ALCAM: variants seen among roughly 807,000 people sequenced by gnomAD.
ALCAM encodes the protein CD166 antigen.
ALCAM carries 30 observed loss-of-function variants against 70.9 expected under a neutral mutation model. That is an observed-to-expected ratio of 0.42 (90% confidence interval 0.32 to 0.57). ALCAM has a LOEUF of 0.57. Among genes scored for constraint, ALCAM ranks in the 20% least tolerant of loss-of-function variants. The probability of loss-of-function intolerance (pLI) is 0.11; values close to 1 mark genes in which losing one functional copy is unlikely to be tolerated. For synonymous variants in ALCAM, 249 were observed against 242.5 expected, an observed-to-expected ratio of 1.03 and a Z score of -0.25; for missense variants, 591 against 695.1, an observed-to-expected ratio of 0.85 and a Z score of 1.68.
chr3:105,440,136 T>C (rs1937139687), intron 1 of ALCAM, among the ~76,000 whole-genome samples: 1 of 152,154 alleles, frequency 6.6e-6, no homozygotes, highest in Non-Finnish European at 1.5e-5. Context: ...CTAAAGCTTT[T>C]GAGGGGACCA....
intron 12 of ALCAM, among the ~76,000 whole-genome samples, chr3:105,550,540 C>A (rs549927668): frequency 6.6e-6 from 1 of 151,448 alleles, no homozygotes; most frequent in Non-Finnish European, 1.5e-5. Context: ...AAATAAGTTT[C>A]TCTTATTTAA....
chr3:105,446,771 C>T (rs1050266226), intron 1 of ALCAM, among the ~76,000 whole-genome samples: 1 of 152,080 alleles, frequency 6.6e-6, no homozygotes, highest in Non-Finnish European at 1.5e-5. Context: ...CAAAGGCCTT[C>T]CTTATTATCT....
chr3:105,557,582 A>G (rs755104707), intron 14 of ALCAM, among the ~76,000 whole-genome samples: 64 of 152,194 alleles, frequency 4.2e-4, no homozygotes, highest in Non-Finnish European at 7.8e-4. Flanking sequence ...CTAAGGAACA[A>G]AAAAGTCCCA....
At chr3:105,558,005 G>C (rs1414901169) in intron 14 of ALCAM, among the ~76,000 whole-genome samples, 1 of 152,022 alleles carries the variant, frequency 6.6e-6, no homozygotes, top group Non-Finnish European at 1.5e-5. Flanking sequence ...GTGTCCTGCT[G>C]TCCTCCTCTA....
chr3:105,373,292 T>C (rs1935283930), intron 1 of ALCAM, among the ~76,000 whole-genome samples: 1 of 152,160 alleles, frequency 6.6e-6, no homozygotes, highest in Admixed American at 6.5e-5. Context: ...TTGGAACTTG[T>C]AATTAAAAAA....
intron 14 of ALCAM, among the ~76,000 whole-genome samples, chr3:105,557,694 C>A (rs1940549370): frequency 6.6e-6 from 1 of 152,110 alleles, no homozygotes; most frequent in Non-Finnish European, 1.5e-5. Context: ...TGTTTTCATG[C>A]ACATTCAGTA....
intron 14 of ALCAM, among the ~76,000 whole-genome samples, chr3:105,561,123 T>C (rs368799941): frequency 1.1e-3 from 172 of 152,346 alleles, no homozygotes; most frequent in African/African-American, 4.0e-3. Context: ...TAAAAGTTTA[T>C]TCCTGTATGT....
chr3:105,516,269 G>GA (rs1939376746), intron 1 of ALCAM, among the ~76,000 whole-genome samples: 1 of 151,642 alleles, frequency 6.6e-6, no homozygotes, highest in Non-Finnish European at 1.5e-5. Context: ...TAGTTTTATG[G>GA]AAAAAAGCAT....
At chr3:105,370,614 T>C (rs923870777) in intron 1 of ALCAM, among the ~76,000 whole-genome samples, 7 of 152,178 alleles carry the variant, frequency 4.6e-5, no homozygotes, top group Non-Finnish European at 8.8e-5. Context: ...ACAAAATTCA[T>C]ATAAATTGTA....
chr3:105,372,515 T>G (rs904094390), intron 1 of ALCAM, among the ~76,000 whole-genome samples: 1 of 152,112 alleles, frequency 6.6e-6, no homozygotes, highest in Non-Finnish European at 1.5e-5. Context: ...CTTCCTCTCT[T>G]ATTTATCCAG....
At chr3:105,455,338 A>G (rs1210082291) in intron 1 of ALCAM, among the ~76,000 whole-genome samples, 1 of 150,902 alleles carries the variant, frequency 6.6e-6, no homozygotes, top group Non-Finnish European at 1.5e-5. Flanking sequence ...GCTACTCAGG[A>G]GGCTGAGGCA....
At chr3:105,527,283 G>A (rs909131192) in intron 3 of ALCAM, among the ~76,000 whole-genome samples, 4 of 152,074 alleles carry the variant, frequency 2.6e-5, no homozygotes, top group African/African-American at 4.8e-5. Flanking sequence ...AAGTCAAATG[G>A]GTACCCAGAG....
chr3:105,498,302 T>C (rs1209979642), intron 1 of ALCAM, among the ~76,000 whole-genome samples: 1 of 152,180 alleles, frequency 6.6e-6, no homozygotes, highest in African/African-American at 2.4e-5. Flanking sequence ...TCTGCTTCTG[T>C]ATTCTGTAGT....
chr3:105,532,106 G>A, intron 4 of ALCAM, 40 bp downstream of exon 4: 1 of 1,526,422 alleles, frequency 6.6e-7, no homozygotes, highest in Non-Finnish European at 9.1e-7. Context: ...TTTAGCCAGT[G>A]TTGTAAGTGC....
intron 1 of ALCAM, among the ~76,000 whole-genome samples, chr3:105,371,817 G>A (rs1043183930): frequency 6.6e-5 from 10 of 152,086 alleles, no homozygotes; most frequent in African/African-American, 1.9e-4. Context: ...ATCCACTTAG[G>A]TATAGCTATG....
At chr3:105,558,951 T>TAA (rs1387775615) in intron 14 of ALCAM, among the ~76,000 whole-genome samples, 3 of 151,908 alleles carry the variant, frequency 2.0e-5, no homozygotes, top group African/African-American at 7.3e-5. Flanking sequence ...TACATGAGGA[T>TAA]AAAAACCCAG....
intron 1 of ALCAM, among the ~76,000 whole-genome samples, chr3:105,496,227 C>T (rs115069197): frequency 0.016 from 2,378 of 152,034 alleles, 24 homozygotes; most frequent in Middle Eastern, 0.048. Context: ...TCAAATTAGG[C>T]GAATAATTTT....
chr3:105,485,211 T>A (rs1938392065), intron 1 of ALCAM, among the ~76,000 whole-genome samples: 1 of 152,062 alleles, frequency 6.6e-6, no homozygotes, highest in Non-Finnish European at 1.5e-5. Context: ...TTTGTCCAAA[T>A]GGCTGGCATC....
In ALCAM at chr3:105,532,189, C is replaced by A; in HGVS notation, c.459+123C>A. 7 of 808,214 alleles carry A rather than the reference C, an allele frequency of 8.7e-6. No individual in the cohort carries two copies. The South Asian group carries it at 9.9e-5, about 11-fold the overall frequency. The allele number at this position is 808,214 out of a possible 1,614,324, so 50.1% of individuals were successfully genotyped here. A position where few individuals can be genotyped will look rare whatever the true frequency, so the allele number is the denominator to read the frequency against. On this transcript the variant is annotated intron_variant, in intron 4 of 15. Transcript: ENST00000306107. ...TGTGGAGATGACAGTGTTGCAGCTA[C>A]CAATCAGAAATTATCTACAAGGCAC... is the stretch of plus-strand genomic sequence containing the variant.
Sources: allele counts gnomAD v4.1 joint callset (sites outside exome capture counted in the v4.1 genomes callset), GRCh38; gene constraint gnomAD v4.1.1; transcripts MANE v1.5; gene names NCBI Gene and HGNC (gene_info 2026-07-23, HGNC 2026-07-21).